CLIC5: variants seen among roughly 807,000 people sequenced by gnomAD.
The protein encoded by CLIC5 is chloride intracellular channel protein 5.
Under a neutral mutation model 24.7 loss-of-function variants are expected in CLIC5, and 20 were observed. The ratio of observed to expected loss-of-function variants is 0.81; its 90% CI spans 0.57 to 1.18. The LOEUF (loss-of-function observed/expected upper bound fraction) is 1.18, where lower values mean the gene tolerates loss of function less well. CLIC5 is among the 50% of genes most tolerant of loss of function. The pLI, the probability that CLIC5 is intolerant of heterozygous loss-of-function variation, is 0.00. For synonymous variants in CLIC5, 159 were observed against 135.6 expected (o/e 1.17, Z -1.20); for missense variants, 341 against 326.1 (o/e 1.05, Z -0.35).
intron 1 of CLIC5, among the ~76,000 whole-genome samples, chr6:45,974,497 G>GTGTATATATATATATATATATATA (rs1192750031): frequency 1.3e-5 from 1 of 76,176 alleles, no homozygotes; most frequent in African/African-American, 4.6e-5. Context: ...GTGTGTGTGT[G>GTGTATATATATATATATATATATA]TATATATATA....
chr6:45,901,006 C>T lies in CLIC5; in HGVS notation c.*2082G>A, dbSNP rs1215627445. 6.6e-6 allele frequency: 1 copy of T among 152,140 alleles called. No homozygotes were observed. Among genetic ancestry groups the T allele is most frequent in the Non-Finnish European group, 1.5e-5 (1 of 68,036 alleles). 9.4% of individuals were successfully genotyped at this position (152,140 alleles called of 1,614,324 possible). On this transcript the variant is annotated 3_prime_UTR_variant, in exon 6 of 6. Coordinates refer to ENST00000339561, the MANE Select transcript of CLIC5 (RefSeq NM_016929.5). The stretch of plus-strand genomic sequence containing the variant: ...TTCACAGATGTGTTTCCAGAACAGC[C>T]CAACTGTGGGTCTCAGGGAAGTAAA...
chr6:45,906,500 T>C (rs1435426168), intron 5 of CLIC5, among the ~76,000 whole-genome samples: 1 of 152,204 alleles, frequency 6.6e-6, no homozygotes, highest in African/African-American at 2.4e-5. Context: ...GAGTATGTTC[T>C]TGATTTGGCT....
At chr6:46,077,263 A>G (rs1762795718) in intron 1 of CLIC5, among the ~76,000 whole-genome samples, 1 of 152,208 alleles carries the variant, frequency 6.6e-6, no homozygotes, top group South Asian at 2.1e-4. Context: ...TTAAACATAT[A>G]CTTACAAACC....
intron 1 of CLIC5, among the ~76,000 whole-genome samples, chr6:45,960,511 G>T (rs1471451430): frequency 2.0e-5 from 3 of 152,210 alleles, no homozygotes; most frequent in Non-Finnish European, 4.4e-5. Context: ...TGGGCTGGGG[G>T]TGGGCAGTGT....
intron 1 of CLIC5, among the ~76,000 whole-genome samples, chr6:46,031,607 A>G (rs1374465267): frequency 6.6e-6 from 1 of 152,074 alleles, no homozygotes; most frequent in Non-Finnish European, 1.5e-5. Context: ...GTTGAAGACA[A>G]ATTTGGGCCT....
intron 2 of CLIC5, 80 bp downstream of exon 2, chr6:45,955,055 G>T: frequency 3.0e-6 from 3 of 985,300 alleles, no homozygotes; most frequent in East Asian, 2.4e-5. Context: ...TGGGAGCCAC[G>T]GAAGGCTTTT....
At chr6:46,113,622 G>C in the CLIC5 span, among the ~76,000 whole-genome samples, 1 of 152,140 alleles carries the variant, frequency 6.6e-6, no homozygotes, top group South Asian at 2.1e-4. Flanking sequence ...TGCTGGCAAG[G>C]GGACCAGACA....
chr6:45,957,135 C>G (rs896341393), intron 1 of CLIC5, among the ~76,000 whole-genome samples: 2 of 152,026 alleles, frequency 1.3e-5, no homozygotes, highest in African/African-American at 4.8e-5. Flanking sequence ...GAAGCCAGAT[C>G]CATATACTGT....
Position 45,955,242 on chromosome 6 carries a change from A to G in CLIC5, c.66T>C (p.Ala22=). Reference sequence around the variant, plus strand: ...TGCCGATGCTTTCTCCATCGATTCCAGCCTGGAAAGAAGAGAACCAGTGTC... The same window carrying G: ...TGCCGATGCTTTCTCCATCGATTCCGGCCTGGAAAGAAGAGAACCAGTGTC... The part of the protein sequence containing the change: ...RDPEIELFVK[A]GIDGESIGNC... Residue 22 remains alanine, a splice_region_variant and synonymous_variant, in exon 2 of 6, where the codon GCT becomes GCC. Coordinates refer to ENST00000339561, the MANE Select transcript of CLIC5 (RefSeq NM_016929.5). 6.2e-7 allele frequency: 1 copy of G among 1,612,930 alleles called. No individual in the cohort carries two copies. The highest frequency in any genetic ancestry group is 8.5e-7 in the Non-Finnish European group (1 of 1,179,108).
In CLIC5 at chr6:45,934,632, G is replaced by C. The variant is rs191415065; in HGVS notation, c.406+6915C>G. 5.9e-5 allele frequency among the ~76,000 whole-genome samples: 9 copies of C among 152,328 alleles called. No homozygotes were observed. In the East Asian group the frequency reaches 1.7e-3, roughly 29 times the overall value. ...AGGGAGTCCTGTGGAAGTGGGCTGC[G>C]CAAAAGGAGGTTGGATGGAAGGTGG... is the stretch of plus-strand genomic sequence containing the variant. On this transcript the variant is annotated intron_variant, in intron 4 of 5. Transcript: ENST00000339561.
rs569954683 is a variant in CLIC5 at position 45,988,954 on chromosome 6, T to A, written c.63+26526A>T. On this transcript the variant is annotated intron_variant, in intron 1 of 5. Coordinates refer to ENST00000339561, the MANE Select transcript of CLIC5 (RefSeq NM_016929.5). ...CCAGTCTCAGTCTATGAGGCTTGGG[T>A]TCTGAATACAGAGGGTCAGTACCTA... is the stretch of plus-strand genomic sequence containing the variant. Among the ~76,000 whole-genome samples, 5 of 152,292 alleles carry A rather than the reference T, an allele frequency of 3.3e-5. No individual in the cohort carries two copies. In the South Asian group the frequency reaches 1.0e-3, roughly 32 times the overall value.
At chr6:46,028,508 AC>A (rs1365136172) in intron 1 of CLIC5, among the ~76,000 whole-genome samples, 2 of 152,184 alleles carry the variant, frequency 1.3e-5, no homozygotes, top group Admixed American at 6.5e-5. Flanking sequence ...GCTAACTAAT[AC>A]TGTACATGCA....
intron 1 of CLIC5, among the ~76,000 whole-genome samples, chr6:45,980,482 CGGTGATCATTTAT>C (rs1285777568): frequency 6.6e-6 from 1 of 151,978 alleles, no homozygotes; most frequent in African/African-American, 2.4e-5. Flanking sequence ...ACCTGGGTGA[CGGTGATCATTTAT>C]ATACCAAACC....
At chr6:45,978,720 G>A (rs1765467181) in intron 1 of CLIC5, among the ~76,000 whole-genome samples, 1 of 152,204 alleles carries the variant, frequency 6.6e-6, no homozygotes, top group African/African-American at 2.4e-5. Flanking sequence ...ACTTTGGGAG[G>A]CTGAGGCGAG....
intron 1 of CLIC5, among the ~76,000 whole-genome samples, chr6:45,998,401 G>A (rs574445677): frequency 6.6e-5 from 10 of 152,136 alleles, no homozygotes; most frequent in South Asian, 2.1e-4. Context: ...TGTCAGAATA[G>A]CACCCCAAGT....
chr6:46,077,252 G>T (rs1762795602), intron 1 of CLIC5, among the ~76,000 whole-genome samples: 1 of 152,064 alleles, frequency 6.6e-6, no homozygotes, highest in African/African-American at 2.4e-5. Context: ...TAAAATGTTG[G>T]TTAAACATAT....
chr6:45,971,732 G>A (rs745839214), intron 1 of CLIC5, among the ~76,000 whole-genome samples: 95 of 152,158 alleles, frequency 6.2e-4, no homozygotes, highest in Non-Finnish European at 1.1e-3. Context: ...GTCTCAACTA[G>A]GATTCGTAGG....
At chr6:46,126,354 A>C in the CLIC5 span, among the ~76,000 whole-genome samples, 1 of 152,202 alleles carries the variant, frequency 6.6e-6, no homozygotes, top group African/African-American at 2.4e-5. Flanking sequence ...ATCTTTTGAA[A>C]AATTGAGCAC....
intron 1 of CLIC5, among the ~76,000 whole-genome samples, chr6:46,025,496 C>G (rs559098036): frequency 2.2e-4 from 34 of 152,134 alleles, no homozygotes; most frequent in African/African-American, 7.7e-4. Context: ...TGTTAGAGTC[C>G]CAAGTATCTG....
Sources: gnomAD v4.1 joint callset for allele counts (sites outside exome capture counted in the v4.1 genomes callset) on GRCh38, gnomAD v4.1.1 for gene constraint, MANE v1.5 for transcripts, NCBI Gene and HGNC (gene_info 2026-07-23, HGNC 2026-07-21) for gene names.